KLHL1: variants seen among roughly 807,000 people sequenced by gnomAD.
KLHL1 encodes kelch-like protein 1.
Under a neutral mutation model 77.7 loss-of-function variants are expected in KLHL1, and 47 were observed. The observed-to-expected ratio is 0.60, with a 90% CI of 0.48 to 0.77. The LOEUF (loss-of-function observed/expected upper bound fraction) is 0.77, where lower values mean the gene tolerates loss of function less well. KLHL1 is among the 30% of genes least tolerant of loss of function. KLHL1 has a pLI of 0.00. For missense variants in KLHL1, 925 were observed against 910.8 expected (o/e 1.02, Z -0.20); for synonymous variants, 360 against 325.2 (o/e 1.11, Z -1.15).
chr13:69,849,502 A>C (rs1879602184), intron 5 of KLHL1, among the ~76,000 whole-genome samples: 1 of 151,272 alleles, frequency 6.6e-6, no homozygotes, highest in South Asian at 2.1e-4. Flanking sequence ...CTCTCTCTCT[A>C]TCTTACTGTC....
rs995283657 is a variant in KLHL1 at position 69,939,941 on chromosome 13, T to A, written c.1014+99A>T. Reference sequence around the variant, plus strand: ...AAATGTGCCAAGCATAGAAAACTCATTTTAAACTTAAAAAACTTGCTAATG... The same window carrying A: ...AAATGTGCCAAGCATAGAAAACTCAATTTAAACTTAAAAAACTTGCTAATG... On this transcript the variant is annotated intron_variant, in intron 4 of 10. Coordinates refer to ENST00000377844, the MANE Select transcript of KLHL1 (RefSeq NM_020866.3). 29 of 886,244 alleles carry A rather than the reference T, an allele frequency of 3.3e-5. No homozygotes were observed. The South Asian group carries it at 6.2e-4, about 19-fold the overall frequency. The allele number at this position is 886,244 out of a possible 1,614,324, so 54.9% of individuals were successfully genotyped here.
At chr13:69,813,503 C>CACACACACACACACATATAT (rs34163072) in intron 6 of KLHL1, among the ~76,000 whole-genome samples, 57 of 148,912 alleles carry the variant, frequency 3.8e-4, no homozygotes, top group African/African-American at 1.4e-3. Flanking sequence ...CACACACACA[C>CACACACACACACACATATAT]ATATATATAT....
intron 4 of KLHL1, among the ~76,000 whole-genome samples, chr13:69,889,110 GA>G (rs1197855243): frequency 1.3e-5 from 2 of 151,836 alleles, no homozygotes; most frequent in African/African-American, 2.4e-5. Flanking sequence ...GCAGAGTTGA[GA>G]AAGACATCTC....
At chr13:69,810,113 AC>A (rs1355569353) in intron 6 of KLHL1, among the ~76,000 whole-genome samples, 2 of 152,134 alleles carry the variant, frequency 1.3e-5, no homozygotes, top group Non-Finnish European at 2.9e-5. Context: ...CACCTTACTG[AC>A]AGCATTAGAC....
chr13:69,894,953 CA>C (rs1465358889), intron 4 of KLHL1: 2 of 467,360 alleles, frequency 4.3e-6, no homozygotes, highest in Non-Finnish European at 8.4e-6. Flanking sequence ...TCCTTGTCTA[CA>C]AATGACAGAA....
rs897491457 is a variant in KLHL1 at position 70,001,877 on chromosome 13, G to A, written c.498-26075C>T. 5.3e-5 allele frequency among the ~76,000 whole-genome samples: 8 copies of A among 151,414 alleles called. No individual in the cohort carries two copies. The Admixed American group carries it at 5.3e-4, about 10-fold the overall frequency. ...TAGAGAAAGCATTATATCTAATTAAGGCTTAACATCTAATTTACAGCTAAA... is the reference window on the plus strand; with the variant it reads ...TAGAGAAAGCATTATATCTAATTAAAGCTTAACATCTAATTTACAGCTAAA... On this transcript the variant is annotated intron_variant, in intron 1 of 10. Transcript: ENST00000377844.
At chr13:69,707,864 CT>C (rs879895559) in intron 9 of KLHL1, 68 bp from the exon 10 acceptor site, 207 of 1,355,610 alleles carry the variant, frequency 1.5e-4, no homozygotes, top group Non-Finnish European at 1.8e-4. Context: ...AAAAATTTTA[CT>C]TTTTACAAAG....
At chr13:69,998,727 C>T (rs1172816804) in intron 1 of KLHL1, among the ~76,000 whole-genome samples, 1 of 151,998 alleles carries the variant, frequency 6.6e-6, no homozygotes, top group Non-Finnish European at 1.5e-5. Context: ...GTTCAGAAAT[C>T]GGTTCTCTGA....
chr13:70,053,161 T>A (rs2082225697), intron 1 of KLHL1, among the ~76,000 whole-genome samples: 2 of 151,932 alleles, frequency 1.3e-5, no homozygotes, highest in African/African-American at 4.8e-5. Flanking sequence ...ATACAGAATT[T>A]CAAAAAATAA....
chr13:69,794,311 A>G (rs937623594), intron 7 of KLHL1, among the ~76,000 whole-genome samples: 3 of 152,160 alleles, frequency 2.0e-5, no homozygotes, highest in African/African-American at 7.2e-5. Flanking sequence ...GATAAGACAC[A>G]AAAACGTATC....
At chr13:70,019,626 C>T (rs531622445) in intron 1 of KLHL1, among the ~76,000 whole-genome samples, 2 of 152,232 alleles carry the variant, frequency 1.3e-5, no homozygotes, top group South Asian at 4.1e-4. Context: ...CTATTACTAC[C>T]TCTATTTTAC....
chr13:69,892,545 C>T (rs764276407), intron 4 of KLHL1, among the ~76,000 whole-genome samples: 14 of 151,978 alleles, frequency 9.2e-5, no homozygotes, highest in Non-Finnish European at 1.8e-4. Context: ...TATATTGTGT[C>T]AGGCGGTGCT....
Position 69,966,382 on chromosome 13 carries a change from C to T in KLHL1, c.681-4938G>A, listed in dbSNP as rs141583070. Reference sequence around the variant, plus strand: ...TAGGAATGGAACTATAAAGCCTGGACGACAGCACATCGTTTGCAGAATGGC... The same window carrying T: ...TAGGAATGGAACTATAAAGCCTGGATGACAGCACATCGTTTGCAGAATGGC... On this transcript the variant is annotated intron_variant, in intron 2 of 10. Transcript: ENST00000377844. Among the ~76,000 whole-genome samples the T allele has an allele frequency of 1.5e-3, 231 of 152,180 alleles. 4 individuals carry two copies. The highest frequency in any genetic ancestry group is 5.0e-3 in the African/African-American group (206 of 41,530).
chr13:70,087,770 T>C (rs763286916), intron 1 of KLHL1, among the ~76,000 whole-genome samples: 3 of 152,134 alleles, frequency 2.0e-5, no homozygotes, highest in South Asian at 2.1e-4. Context: ...CTGAACTTCT[T>C]AGTGAGAAGA....
intron 1 of KLHL1, among the ~76,000 whole-genome samples, chr13:69,986,386 G>A (rs1004209614): frequency 2.6e-5 from 4 of 151,910 alleles, no homozygotes; most frequent in Admixed American, 1.3e-4. Flanking sequence ...TATGTTAATT[G>A]TCCTTATTTT....
intron 9 of KLHL1, among the ~76,000 whole-genome samples, chr13:69,708,501 T>G: frequency 6.6e-6 from 1 of 151,942 alleles, no homozygotes; most frequent in Non-Finnish European, 1.5e-5. Context: ...GGAGAAATAA[T>G]TATAACATGA....
chr13:69,719,506 C>T lies in KLHL1; in HGVS notation c.1878G>A (p.Lys626=), dbSNP rs143518222. The T allele has an allele frequency of 2.0e-5, 33 of 1,613,446 alleles. No homozygotes were observed. In the African/African-American group the frequency reaches 3.7e-4, roughly 18 times the overall value. ...TACACATGGGAGCACACATGTTCCACTTATTTGTATGAGGATCATAATATT... is the reference window on the plus strand; with the variant it reads ...TACACATGGGAGCACACATGTTCCATTTATTTGTATGAGGATCATAATATT... ...SMEYYDPHTN[K]WNMCAPMCKR... Residue 626 remains lysine (K), a synonymous_variant, in exon 9 of 11, where the codon AAG becomes AAA. Coordinates refer to ENST00000377844, the MANE Select transcript of KLHL1 (RefSeq NM_020866.3).
At chr13:69,848,842 A>G (rs1879572926) in intron 5 of KLHL1, among the ~76,000 whole-genome samples, 1 of 151,600 alleles carries the variant, frequency 6.6e-6, no homozygotes, top group African/African-American at 2.4e-5. Context: ...GAATAATGAC[A>G]TAATCAAAAT....
intron 1 of KLHL1, 135 bp downstream of exon 1, chr13:70,107,068 A>G (rs1267381364): frequency 2.3e-6 from 3 of 1,324,566 alleles, no homozygotes; most frequent in Non-Finnish European, 3.0e-6. Flanking sequence ...AACTTGAGTA[A>G]TCAAAACCAG....
Sources: allele counts gnomAD v4.1 joint callset (sites outside exome capture counted in the v4.1 genomes callset), GRCh38; gene constraint gnomAD v4.1.1; transcripts MANE v1.5; gene names NCBI Gene and HGNC (gene_info 2026-07-23, HGNC 2026-07-21).